Variants in MACROD2 observed in about 807,000 individuals in gnomAD.
The protein encoded by MACROD2 is mono-ADP ribosylhydrolase 2.
MACROD2 carries 36 observed loss-of-function variants against 70.4 expected under a neutral mutation model. That is an observed-to-expected ratio of 0.51 (90% CI 0.39 to 0.68). The LOEUF is 0.68. Ranked by LOEUF, MACROD2 falls within the 30% of genes least tolerant of loss-of-function variation. MACROD2 has a pLI of 0.00. For synonymous variants in MACROD2, 172 were observed against 178.8 expected, an observed-to-expected ratio of 0.96 and a Z score of 0.30; for missense variants, 496 against 538.4, an observed-to-expected ratio of 0.92 and a Z score of 0.78.
At chr20:14,636,220 T>C (rs955300750) in intron 4 of MACROD2, among the ~76,000 whole-genome samples, 1 of 152,182 alleles carries the variant, frequency 6.6e-6, no homozygotes, top group Non-Finnish European at 1.5e-5. Context: ...TTTTTCATGA[T>C]AGAATTTGTT....
At chr20:15,380,442 T>C (rs1264890570) in intron 6 of MACROD2, among the ~76,000 whole-genome samples, 1 of 150,922 alleles carries the variant, frequency 6.6e-6, no homozygotes, top group African/African-American at 2.4e-5. Context: ...TTTTTTCAGG[T>C]AACCATTGGA....
At chr20:15,956,584 G>A (rs952991347) in intron 12 of MACROD2, among the ~76,000 whole-genome samples, 64 of 152,136 alleles carry the variant, frequency 4.2e-4, no homozygotes, top group Admixed American at 2.5e-3. Context: ...ACACAAAAAC[G>A]AAATGCATAC....
At chr20:15,472,524 GT>G (rs939034525) in intron 7 of MACROD2, among the ~76,000 whole-genome samples, 20 of 151,384 alleles carry the variant, frequency 1.3e-4, no homozygotes, top group South Asian at 1.3e-3. Flanking sequence ...TTCCCTTCCT[GT>G]TTTTTTTCTA....
At chr20:14,051,110 T>TA (rs776258495) in intron 2 of MACROD2, among the ~76,000 whole-genome samples, 12 of 152,194 alleles carry the variant, frequency 7.9e-5, no homozygotes, top group Admixed American at 3.9e-4. Context: ...TATTTGTGGT[T>TA]AAAATCTATA....
At chr20:14,010,791 A>C (rs559584027) in intron 2 of MACROD2, among the ~76,000 whole-genome samples, 6 of 150,544 alleles carry the variant, frequency 4.0e-5, no homozygotes, top group Non-Finnish European at 7.4e-5. Context: ...GAAACCCTTC[A>C]CCCCCTACCC....
At chr20:14,870,529 A>G (rs2073475928) in intron 5 of MACROD2, among the ~76,000 whole-genome samples, 2 of 152,162 alleles carry the variant, frequency 1.3e-5, no homozygotes, top group Admixed American at 1.3e-4. Context: ...TCTGTCTTCC[A>G]CAGTGGTTGA....
At chr20:14,718,956 G>A (rs529089957) in intron 5 of MACROD2, among the ~76,000 whole-genome samples, 10 of 152,180 alleles carry the variant, frequency 6.6e-5, no homozygotes, top group South Asian at 6.2e-4. Context: ...ATAGTCAGCC[G>A]GGTGTGGTGG....
intron 3 of MACROD2, among the ~76,000 whole-genome samples, chr20:14,307,917 T>A (rs1256332382): frequency 6.6e-6 from 1 of 152,152 alleles, no homozygotes. Context: ...TGGATGATCT[T>A]ACTGAAAGCT....
Position 15,656,022 on chromosome 20 carries a change from T to A in MACROD2, c.645+156175T>A, listed in dbSNP as rs183175124. 3.0e-3 allele frequency among the ~76,000 whole-genome samples: 453 copies of A among 152,334 alleles called. 1 individual carries two copies. Among genetic ancestry groups the A allele is most frequent in the African/African-American group, 0.01 (435 of 41,570 alleles). On this transcript the variant is annotated intron_variant, in intron 8 of 17. Coordinates refer to ENST00000684519, the MANE Select transcript of MACROD2 (RefSeq NM_001351661.2). ...CCAAGTTACTTTTACAGACACCATC[T>A]CCATTTCTCCAGTGATCTAGTAACT...
chr20:15,767,345 C>T (rs1490998136), intron 8 of MACROD2, among the ~76,000 whole-genome samples: 1 of 151,836 alleles, frequency 6.6e-6, no homozygotes, highest in East Asian at 2.0e-4. Context: ...CTGTGCACCG[C>T]ATGATGCAGG....
chr20:14,282,153 G>A (rs1388597835), intron 3 of MACROD2, among the ~76,000 whole-genome samples: 3 of 151,902 alleles, frequency 2.0e-5, no homozygotes, highest in African/African-American at 7.3e-5. Flanking sequence ...TATTGTTTTG[G>A]TTGAATTATA....
At position 14,702,683 on chromosome 20, in the gene MACROD2, A is replaced by G. The variant is rs1360973053; in HGVS notation, c.418+17724A>G. On this transcript the variant is annotated intron_variant, in intron 5 of 17. Transcript: ENST00000684519. ...TATGTGTATATATATATACACATAT[A>G]TGTGTATATATATGTATATATATGT... 3.9e-4 allele frequency among the ~76,000 whole-genome samples: 52 copies of G among 134,464 alleles called. 4 individuals are homozygous for G. The highest frequency in any genetic ancestry group is 3.6e-3 in the Middle Eastern group (1 of 274). 88.2% of individuals were successfully genotyped at this position (134,464 alleles called of 152,430 possible).
intron 5 of MACROD2, among the ~76,000 whole-genome samples, chr20:15,184,957 A>G (rs2076524927): frequency 6.6e-6 from 1 of 152,204 alleles, no homozygotes; most frequent in African/African-American, 2.4e-5. Context: ...GGAGGCAGGC[A>G]TTCAAACAAC....
At chr20:15,018,995 G>A (rs2075143280) in intron 5 of MACROD2, among the ~76,000 whole-genome samples, 1 of 152,124 alleles carries the variant, frequency 6.6e-6, no homozygotes, top group Admixed American at 6.5e-5. Flanking sequence ...CAGAATCATT[G>A]GCCAAATTTA....
At chr20:14,496,220 C>T (rs1350691547) in intron 4 of MACROD2, among the ~76,000 whole-genome samples, 1 of 152,024 alleles carries the variant, frequency 6.6e-6, no homozygotes, top group South Asian at 2.1e-4. Context: ...AATTAAAATC[C>T]CTTCAAAGGT....
intron 4 of MACROD2, among the ~76,000 whole-genome samples, chr20:14,591,140 A>G (rs1295090855): frequency 6.6e-6 from 1 of 152,186 alleles, no homozygotes; most frequent in African/African-American, 2.4e-5. Flanking sequence ...TCTACATATA[A>G]TGTTAATAGT....
chr20:15,008,977 G>T (rs1480313665), intron 5 of MACROD2, among the ~76,000 whole-genome samples: 1 of 152,058 alleles, frequency 6.6e-6, no homozygotes, highest in Non-Finnish European at 1.5e-5. Context: ...AAATGTAGCA[G>T]TTATATGTAA....
chr20:14,110,492 C>A (rs968200239), intron 3 of MACROD2, among the ~76,000 whole-genome samples: 1 of 151,826 alleles, frequency 6.6e-6, no homozygotes, highest in African/African-American at 2.4e-5. Context: ...CTAAAAGCTT[C>A]ACCAAAAAAC....
At chr20:15,278,336 T>C (rs916254988) in intron 6 of MACROD2, among the ~76,000 whole-genome samples, 1 of 152,082 alleles carries the variant, frequency 6.6e-6, no homozygotes, top group Non-Finnish European at 1.5e-5. Flanking sequence ...GGGAGATAGG[T>C]CCTTACTTGA....
Sources: gnomAD v4.1 joint callset for allele counts (sites outside exome capture counted in the v4.1 genomes callset) on GRCh38, gnomAD v4.1.1 for gene constraint, MANE v1.5 for transcripts, NCBI Gene and HGNC (gene_info 2026-07-23, HGNC 2026-07-21) for gene names.